Variants in C12orf42 observed in about 807,000 individuals in gnomAD.
C12orf42 encodes uncharacterized protein C12orf42.
A neutral mutation model predicts 21.6 loss-of-function variants in C12orf42; 25 were observed. The observed-to-expected ratio is 1.16, with a 90% CI of 0.84 to 1.62. The LOEUF (loss-of-function observed/expected upper bound fraction) is 1.62, where lower values mean the gene tolerates loss of function less well. C12orf42 is among the 40% of genes most tolerant of loss of function. The pLI is 0.00. For synonymous variants in C12orf42, 174 were observed against 175.0 expected (o/e 0.99, Z 0.05); for missense variants, 483 against 459.3 (o/e 1.05, Z -0.47).
the C12orf42 span, among the ~76,000 whole-genome samples, chr12:103,141,631 A>G: frequency 2.0e-5 from 3 of 151,818 alleles, no homozygotes; most frequent in South Asian, 4.2e-4. Context: ...CCAGTTTCAA[A>G]CGATTCTCCT....
chr12:103,563,304 A>G, the C12orf42 span, among the ~76,000 whole-genome samples: 1,627 of 152,254 alleles, frequency 0.011, 14 homozygotes, highest in Non-Finnish European at 0.013. Flanking sequence ...CTTGTCAATT[A>G]CCATGATATG....
At chr12:103,157,096 G>A in the C12orf42 span, among the ~76,000 whole-genome samples, 1 of 152,168 alleles carries the variant, frequency 6.6e-6, no homozygotes, top group African/African-American at 2.4e-5. Flanking sequence ...TACCAACAGT[G>A]TAAAAGCGTT....
the C12orf42 span, among the ~76,000 whole-genome samples, chr12:103,509,569 C>T: frequency 1.3e-5 from 2 of 152,120 alleles, no homozygotes; most frequent in African/African-American, 4.8e-5. Context: ...CCAAGGAGAG[C>T]AGGTACTAGA....
chr12:103,494,971 C>G (rs1955422536), intron 1 of C12orf42, among the ~76,000 whole-genome samples: 2 of 151,890 alleles, frequency 1.3e-5, no homozygotes, highest in South Asian at 4.1e-4. Flanking sequence ...CTAAAAGATC[C>G]TGAAGTGCGG....
the C12orf42 span, among the ~76,000 whole-genome samples, chr12:103,216,907 A>G: frequency 1.3e-5 from 2 of 151,884 alleles, no homozygotes. Flanking sequence ...CAGTTGTGAG[A>G]TCTTGGCTCA....
the C12orf42 span, among the ~76,000 whole-genome samples, chr12:103,176,547 A>AT: frequency 6.6e-6 from 1 of 152,312 alleles, no homozygotes; most frequent in East Asian, 1.9e-4. Flanking sequence ...TTCTGGTCCC[A>AT]TTCTGTGGTA....
At chr12:103,120,672 GTTATC>G in the C12orf42 span, among the ~76,000 whole-genome samples, 1 of 150,680 alleles carries the variant, frequency 6.6e-6, no homozygotes, top group Non-Finnish European at 1.5e-5. Context: ...ATAAACATCA[GTTATC>G]TTATATTATG....
the C12orf42 span, among the ~76,000 whole-genome samples, chr12:103,069,693 T>G: frequency 3.9e-5 from 6 of 152,238 alleles, no homozygotes; most frequent in Non-Finnish European, 7.3e-5. Context: ...CTGTATTTGA[T>G]ATCTCCTATA....
the C12orf42 span, among the ~76,000 whole-genome samples, chr12:103,148,078 AT>A: frequency 2.0e-4 from 31 of 152,286 alleles, no homozygotes; most frequent in Admixed American, 1.1e-3. Context: ...TCTATATATT[AT>A]TGATGAGTGA....
intron 3 of C12orf42, among the ~76,000 whole-genome samples, chr12:103,394,572 T>C (rs2047353640): frequency 6.6e-6 from 1 of 152,228 alleles, no homozygotes; most frequent in Non-Finnish European, 1.5e-5. Flanking sequence ...GCTGATTTGG[T>C]TATGTGTTTG....
At chr12:103,112,034 T>C in the C12orf42 span, among the ~76,000 whole-genome samples, 2 of 152,240 alleles carry the variant, frequency 1.3e-5, no homozygotes, top group African/African-American at 4.8e-5. Flanking sequence ...GTCTGTGGTC[T>C]TATCTGCGTA....
the C12orf42 span, among the ~76,000 whole-genome samples, chr12:103,200,071 A>T: frequency 6.6e-6 from 1 of 152,190 alleles, no homozygotes; most frequent in Non-Finnish European, 1.5e-5. Context: ...AAAGATATGG[A>T]AACAGTCTAA....
chr12:103,431,051 G>A (rs1441012690), intron 2 of C12orf42, among the ~76,000 whole-genome samples: 4 of 151,818 alleles, frequency 2.6e-5, no homozygotes, highest in African/African-American at 7.3e-5. Context: ...ACCATGGCAC[G>A]TGTATACCTA....
At chr12:103,553,286 CTCTT>C in the C12orf42 span, among the ~76,000 whole-genome samples, 1 of 152,180 alleles carries the variant, frequency 6.6e-6, no homozygotes, top group African/African-American at 2.4e-5. Flanking sequence ...CCTACCTTTT[CTCTT>C]TCTAACAGCA....
At chr12:103,425,485 AAG>A (rs1345029744) in intron 2 of C12orf42, among the ~76,000 whole-genome samples, 1 of 152,170 alleles carries the variant, frequency 6.6e-6, no homozygotes, top group African/African-American at 2.4e-5. Context: ...CTTCCAGAGG[AAG>A]GAACAGGCAG....
intron 10 of C12orf42, among the ~76,000 whole-genome samples, chr12:103,259,956 T>G (rs1471359138): frequency 2.0e-5 from 3 of 152,154 alleles, no homozygotes; most frequent in Non-Finnish European, 4.4e-5. Context: ...GTCAATCAGA[T>G]AGTTAAAAAA....
intron 5 of C12orf42, among the ~76,000 whole-genome samples, chr12:103,270,700 G>A (rs1267969789): frequency 6.7e-6 from 1 of 149,390 alleles, no homozygotes; most frequent in Non-Finnish European, 1.5e-5. Context: ...TTAGCATTAG[G>A]TATATCTCCT....
At chr12:103,202,911 C>T in the C12orf42 span, among the ~76,000 whole-genome samples, 2 of 152,090 alleles carry the variant, frequency 1.3e-5, no homozygotes, top group South Asian at 2.1e-4. Context: ...GCTGGTATTT[C>T]GATTTGTCAT....
the C12orf42 span, among the ~76,000 whole-genome samples, chr12:103,218,236 C>T: frequency 6.7e-6 from 1 of 149,248 alleles, no homozygotes; most frequent in African/African-American, 2.5e-5. Context: ...GTGGAGATCT[C>T]ACCAATGAAC....
Sources: allele counts gnomAD v4.1 joint callset (sites outside exome capture counted in the v4.1 genomes callset), GRCh38; gene constraint gnomAD v4.1.1; transcripts MANE v1.5; gene names NCBI Gene and HGNC (gene_info 2026-07-23, HGNC 2026-07-21).